The following MIR2052HG variants were observed in gnomAD, a reference collection of about 807,000 sequenced individuals.
MIR2052HG encodes MIR2052 host gene.
chr8:74,642,744 T>C (rs1391801806), intron 2 of MIR2052HG, among the ~76,000 whole-genome samples: 3 of 152,128 alleles, frequency 2.0e-5, no homozygotes, highest in Non-Finnish European at 4.4e-5. Context: ...TAAAAATGCA[T>C]ACCCTTTGTG....
intron 2 of MIR2052HG, chr8:74,702,317 T>C: frequency 2.7e-6 from 1 of 370,966 alleles, no homozygotes. Flanking sequence ...TTGGATGATA[T>C]CAAAAGATAC....
chr8:74,755,678 T>C (rs1250599820), intron 5 of MIR2052HG, among the ~76,000 whole-genome samples: 1 of 152,172 alleles, frequency 6.6e-6, no homozygotes, highest in Non-Finnish European at 1.5e-5. Flanking sequence ...TTCCCTGTCT[T>C]GGTTCATGCG....
At chr8:74,622,503 C>G (rs2128732869) in intron 2 of MIR2052HG, among the ~76,000 whole-genome samples, 1 of 152,132 alleles carries the variant, frequency 6.6e-6, no homozygotes, top group East Asian at 1.9e-4. Context: ...ACTTGGGAGG[C>G]TGAGGCATGA....
At chr8:74,652,011 C>T (rs778705467) in intron 2 of MIR2052HG, among the ~76,000 whole-genome samples, 11 of 152,126 alleles carry the variant, frequency 7.2e-5, no homozygotes, top group Admixed American at 2.0e-4. Context: ...CTGACTGTCT[C>T]GCCTTATTTC....
chr8:74,716,827 G>T (rs529009522), intron 4 of MIR2052HG, among the ~76,000 whole-genome samples: 1 of 152,226 alleles, frequency 6.6e-6, no homozygotes, highest in African/African-American at 2.4e-5. Context: ...TATCTTGTAA[G>T]AACTTATTTT....
rs563798008 is a variant in MIR2052HG at position 74,603,404 on chromosome 8, C to A, written n.128+3496C>A. On this transcript the variant is annotated intron_variant and non_coding_transcript_variant, in intron 1 of 6. Coordinates refer to ENST00000523442, the Ensembl canonical transcript of MIR2052HG. ...GTAACCTGCCTATCAGTAGATCCTT[C>A]CACTGGGTTCGCAATTTTGATCTGT... 8 of 1,611,052 alleles carry A rather than the reference C, an allele frequency of 5.0e-6. No individual in the cohort carries two copies. The South Asian group carries it at 8.8e-5, about 18-fold the overall frequency.
intron 4 of MIR2052HG, among the ~76,000 whole-genome samples, chr8:74,740,833 G>C (rs1245733966): frequency 6.6e-6 from 1 of 152,132 alleles, no homozygotes; most frequent in Non-Finnish European, 1.5e-5. Flanking sequence ...AGGTTTGATT[G>C]TAACACTCAA....
chr8:74,607,948 T>G (rs1195357515), intron 1 of MIR2052HG, among the ~76,000 whole-genome samples: 3 of 152,176 alleles, frequency 2.0e-5, no homozygotes, highest in Non-Finnish European at 4.4e-5. Flanking sequence ...GGTGTCTACA[T>G]GTTAGCTTGG....
intron 4 of MIR2052HG, among the ~76,000 whole-genome samples, chr8:74,726,171 C>T (rs879487695): frequency 2.0e-5 from 3 of 152,068 alleles, no homozygotes; most frequent in African/African-American, 4.8e-5. Flanking sequence ...CCAGCCTGGG[C>T]GACAGGGTGA....
At chr8:74,681,371 A>G (rs1652927237) in intron 2 of MIR2052HG, among the ~76,000 whole-genome samples, 1 of 152,164 alleles carries the variant, frequency 6.6e-6, no homozygotes, top group Non-Finnish European at 1.5e-5. Flanking sequence ...CAGGTGAGCC[A>G]AAACCTTTCT....
At chr8:74,626,349 A>C (rs2128733419) in intron 2 of MIR2052HG, among the ~76,000 whole-genome samples, 1 of 152,292 alleles carries the variant, frequency 6.6e-6, no homozygotes, top group African/African-American at 2.4e-5. Context: ...GGCTGAGTTG[A>C]TAACTTCCTT....
chr8:74,740,914 A>G (rs140762946), intron 4 of MIR2052HG, among the ~76,000 whole-genome samples: 79 of 152,342 alleles, frequency 5.2e-4, no homozygotes, highest in African/African-American at 1.9e-3. Context: ...TCCAGATTAA[A>G]TATCTGCATT....
At chr8:74,602,867 T>TTCTTTCTTTCTTTCTTTC (rs1808037661) in intron 1 of MIR2052HG, among the ~76,000 whole-genome samples, 1 of 148,752 alleles carries the variant, frequency 6.7e-6, no homozygotes, top group African/African-American at 2.5e-5. Flanking sequence ...CTTTCTTTCT[T>TTCTTTCTTTCTTTCTTTC]TCTTTCTTTT....
chr8:74,710,632 A>G (rs927267928), intron 4 of MIR2052HG, among the ~76,000 whole-genome samples: 4 of 152,152 alleles, frequency 2.6e-5, no homozygotes, highest in African/African-American at 9.7e-5. Context: ...AGTATTCACA[A>G]TTCCAGGCCT....
chr8:74,665,422 A>G (rs11986965), intron 2 of MIR2052HG, among the ~76,000 whole-genome samples: 34,251 of 152,050 alleles, frequency 0.23, 3,982 homozygotes, highest in Middle Eastern at 0.33. Flanking sequence ...AGCCCTTTGC[A>G]AATCATAACT....
chr8:74,730,034 T>C (rs1809675595), intron 4 of MIR2052HG, among the ~76,000 whole-genome samples: 1 of 152,144 alleles, frequency 6.6e-6, no homozygotes, highest in African/African-American at 2.4e-5. Context: ...TTACTGGCTA[T>C]TGAGCAATAG....
intron 2 of MIR2052HG, among the ~76,000 whole-genome samples, chr8:74,614,681 T>A (rs1447297388): frequency 6.6e-6 from 1 of 152,106 alleles, no homozygotes; most frequent in Admixed American, 6.5e-5. Context: ...CTTTTCTTTT[T>A]TTCTCTTTCC....
intron 4 of MIR2052HG, among the ~76,000 whole-genome samples, chr8:74,723,361 G>T (rs1316256673): frequency 6.6e-6 from 1 of 152,216 alleles, no homozygotes; most frequent in Non-Finnish European, 1.5e-5. Context: ...AGCTGGTAAA[G>T]ATTACAACAC....
At chr8:74,692,982 A>T (rs923051346) in intron 2 of MIR2052HG, among the ~76,000 whole-genome samples, 4 of 152,234 alleles carry the variant, frequency 2.6e-5, no homozygotes, top group Non-Finnish European at 4.4e-5. Flanking sequence ...AAGCATGAAA[A>T]TGGCTTTGAT....
Sources: allele counts gnomAD v4.1 joint callset (sites outside exome capture counted in the v4.1 genomes callset), GRCh38; gene constraint gnomAD v4.1.1; transcripts MANE v1.5; gene names NCBI Gene and HGNC (gene_info 2026-07-23, HGNC 2026-07-21).